C1orf141: variants seen among roughly 807,000 people sequenced by gnomAD.
C1orf141 encodes the protein uncharacterized protein C1orf141.
Under a neutral mutation model 23.2 loss-of-function variants are expected in C1orf141, and 19 were observed. The observed-to-expected ratio is 0.82, with a 90% CI of 0.57 to 1.20. The LOEUF is 1.20. Among genes scored for constraint, C1orf141 ranks in the 50% most tolerant of loss-of-function variants. The probability of loss-of-function intolerance (pLI) is 0.00; values close to 1 mark genes in which losing one functional copy is unlikely to be tolerated. For synonymous variants in C1orf141, 153 were observed against 154.6 expected, an observed-to-expected ratio of 0.99 and a Z score of 0.08; for missense variants, 469 against 455.1, an observed-to-expected ratio of 1.03 and a Z score of -0.28.
chr1:67,096,017 T>TAAA, intron 6 of C1orf141: 1 of 280,618 alleles, frequency 3.6e-6, no homozygotes, highest in Non-Finnish European at 6.7e-6. Flanking sequence ...GTGTATTTAC[T>TAAA]AAAAAAAAAA....
intron 4 of C1orf141, among the ~76,000 whole-genome samples, chr1:67,117,243 C>T (rs1269028858): frequency 9.2e-5 from 14 of 151,980 alleles, no homozygotes; most frequent in African/African-American, 2.7e-4. Flanking sequence ...GCCAACATGG[C>T]GAAACCCCAT....
upstream of C1orf141, among the ~76,000 whole-genome samples, chr1:67,139,808 CT>C (rs1208739654): frequency 3.3e-5 from 5 of 152,170 alleles, no homozygotes; most frequent in African/African-American, 1.2e-4. Context: ...TCTCCAGTAG[CT>C]GTCCTACAGG....
At chr1:67,114,740 G>A (rs996228817) in intron 5 of C1orf141, among the ~76,000 whole-genome samples, 3 of 152,142 alleles carry the variant, frequency 2.0e-5, no homozygotes, top group Non-Finnish European at 2.9e-5. Flanking sequence ...GCAGTGGCAC[G>A]ATCTCAGCTC....
At chr1:67,093,697 T>C in intron 7 of C1orf141, 93 bp from the exon 8 acceptor site, 1 of 988,420 alleles carries the variant, frequency 1.0e-6, no homozygotes, top group East Asian at 2.7e-5. Flanking sequence ...TTGTAAAATA[T>C]TCTAAAAATG....
upstream of C1orf141, among the ~76,000 whole-genome samples, chr1:67,137,687 T>C (rs1646597583): frequency 6.6e-6 from 1 of 152,158 alleles, no homozygotes; most frequent in African/African-American, 2.4e-5. Flanking sequence ...TCCAGGCAAA[T>C]AAAGCTCTTT....
chr1:67,135,906 C>CAAAAAAAAAAAAAAAAAAAAA (rs59519661), upstream of C1orf141, among the ~76,000 whole-genome samples: 17 of 62,590 alleles, frequency 2.7e-4, 3 homozygotes, highest in African/African-American at 1.1e-3. Flanking sequence ...GGCAAAACTG[C>CAAAAAAAAAAAAAAAAAAAAA]AAAAAAAAAA....
At chr1:67,129,744 G>A (rs980723887) in intron 2 of C1orf141, among the ~76,000 whole-genome samples, 5 of 152,158 alleles carry the variant, frequency 3.3e-5, no homozygotes, top group Admixed American at 1.3e-4. Context: ...TAAACCAGTT[G>A]TATCTAATAG....
chr1:67,115,281 C>T (rs115608468), intron 5 of C1orf141, 71 bp downstream of exon 5: 14 of 635,282 alleles, frequency 2.2e-5, no homozygotes, highest in Non-Finnish European at 3.3e-5. Flanking sequence ...AGACACACAT[C>T]GGTAAATAAT....
chr1:67,123,471 T>C (rs1646341062), intron 4 of C1orf141: 1 of 152,130 alleles, frequency 6.6e-6, no homozygotes, highest in Non-Finnish European at 1.5e-5. Context: ...TTTTTTGAAG[T>C]TTCCATTTTA....
rs755986898 is a variant in C1orf141, at chr1:67,125,909, T to C, written c.76A>G (p.Ile26Val). Residue 26 changes from isoleucine (I) to valine (V), a missense_variant and splice_region_variant, in exon 4 of 8, where the codon ATA (isoleucine) becomes GTA (valine). Ile to Val is a conservative substitution (Grantham distance 29). This residue lies in a region of C1orf141 where 95 missense variants were observed against 90.3 expected (regional missense o/e 1.05). Coordinates refer to ENST00000684719, the MANE Select transcript of C1orf141 (RefSeq NM_001276351.2). Reference protein sequence around the residue: ...AEIILARRTKINRLQSEGRKT... With the variant: ...AEIILARRTKVNRLQSEGRKT... ...CTTCCTTCACTCTGAAGCCTGTTTA[T>C]CTGCAGCAATGCCAAAGTGAAAAAA... 2 of 1,544,476 alleles carry C rather than the reference T, an allele frequency of 1.3e-6. No homozygotes were observed. The highest frequency in any genetic ancestry group is 8.8e-7 in the Non-Finnish European group (1 of 1,142,244).
In C1orf141 at chr1:67,127,152, T is replaced by C; in HGVS notation, c.75+14A>G. ...TTAATGATTAAACTGAATTGTAGCT[T>C]ATACGTCACAAACCTTTGTTCTTCT... is the stretch of plus-strand genomic sequence containing the variant. On this transcript the variant is annotated intron_variant, in intron 3 of 7. Transcript: ENST00000684719. 1 of 1,576,066 alleles carries C rather than the reference T, an allele frequency of 6.3e-7. No individual in the cohort carries two copies. The highest frequency in any genetic ancestry group is 8.7e-7 in the Non-Finnish European group (1 of 1,154,336).
intron 2 of C1orf141, among the ~76,000 whole-genome samples, chr1:67,130,592 T>C (rs909420887): frequency 6.6e-6 from 1 of 152,156 alleles, no homozygotes; most frequent in African/African-American, 2.4e-5. Flanking sequence ...CAGTTAACCA[T>C]AGCATGAAAT....
chr1:67,134,480 G>A (rs12090164), intron 1 of C1orf141, among the ~76,000 whole-genome samples: 123,074 of 152,194 alleles, frequency 0.81, 49,960 homozygotes, highest in East Asian at 0.92. Context: ...ATTCCAGGAT[G>A]TTGGGAGTCG....
chr1:67,117,274 T>A (rs1434753177), intron 4 of C1orf141, among the ~76,000 whole-genome samples: 1 of 152,114 alleles, frequency 6.6e-6, no homozygotes, highest in Non-Finnish European at 1.5e-5. Context: ...AATACAAAAA[T>A]TAGCTGGGTG....
rs1003499867 is a variant in C1orf141 at position 67,092,185 on chromosome 1, A to G, written c.*820T>C. ...TAAGCTTTTGTTAGTTAATTTTGGA[A>G]TTTATTACTTCCAAGATTATTTTTA... On this transcript the variant is annotated 3_prime_UTR_variant, in exon 8 of 8. Coordinates refer to ENST00000684719, the MANE Select transcript of C1orf141 (RefSeq NM_001276351.2). The G allele has an allele frequency of 6.6e-6, 1 of 152,332 alleles. No homozygotes were observed. Among genetic ancestry groups the G allele is most frequent in the Non-Finnish European group, 1.5e-5 (1 of 68,028 alleles). 9.4% of individuals were successfully genotyped at this position (152,332 alleles called of 1,614,324 possible).
At chr1:67,096,816 C>T (rs1645691931) in intron 5 of C1orf141, among the ~76,000 whole-genome samples, 1 of 152,174 alleles carries the variant, frequency 6.6e-6, no homozygotes, top group Non-Finnish European at 1.5e-5. Flanking sequence ...TTACCTTGTC[C>T]TCAAGTAGTT....
At chr1:67,105,433 C>T (rs1436331278) in intron 5 of C1orf141, among the ~76,000 whole-genome samples, 1 of 151,248 alleles carries the variant, frequency 6.6e-6, no homozygotes, top group Non-Finnish European at 1.5e-5. Context: ...TAGTCTATGA[C>T]ATGGCAACAG....
At chr1:67,112,532 T>C (rs1570705325) in intron 5 of C1orf141, among the ~76,000 whole-genome samples, 1 of 151,952 alleles carries the variant, frequency 6.6e-6, no homozygotes, top group South Asian at 2.1e-4. Flanking sequence ...TGAAACCCTG[T>C]CTCTAAAAAA....
chr1:67,116,393 C>A (rs551086371), intron 4 of C1orf141, among the ~76,000 whole-genome samples: 20 of 152,016 alleles, frequency 1.3e-4, no homozygotes, highest in Non-Finnish European at 2.2e-4. Flanking sequence ...TTGCTCCCAA[C>A]CAAATCCAAG....
Sources: gnomAD v4.1 joint callset for allele counts (sites outside exome capture counted in the v4.1 genomes callset) on GRCh38, gnomAD v4.1.1 for gene constraint, gnomAD v4.1.1 regional missense constraint, MANE v1.5 for transcripts, NCBI Gene and HGNC (gene_info 2026-07-23, HGNC 2026-07-21) for gene names.